The following RSF1 variants were observed in gnomAD, a reference collection of about 807,000 sequenced individuals.
RSF1 encodes HBV pX-associated protein 8.
A neutral mutation model predicts 145.2 loss-of-function variants in RSF1; 13 were observed. The observed-to-expected ratio is 0.09, with a 90% CI of 0.06 to 0.14. RSF1 has a LOEUF of 0.14. Ranked by LOEUF, RSF1 falls within the 10% of genes least tolerant of loss-of-function variation. The pLI, the probability that RSF1 is intolerant of heterozygous loss-of-function variation, is 1.00. For synonymous variants in RSF1, 577 were observed against 592.6 expected (o/e 0.97, Z 0.38); for missense variants, 1,517 against 1,718.2 (o/e 0.88, Z 2.07).
At chr11:77,721,126 C>T (rs189660987) in intron 5 of RSF1, among the ~76,000 whole-genome samples, 156 of 152,236 alleles carry the variant, frequency 1.0e-3, no homozygotes, top group Admixed American at 2.9e-3. Context: ...GGTTGTTATT[C>T]CCTCTCCAGT....
the RSF1 span, chr11:77,841,265 A>C: frequency 1.4e-6 from 1 of 702,308 alleles, no homozygotes; most frequent in Non-Finnish European, 2.6e-6. Context: ...GTTAAATTTA[A>C]ACATGAGTTT....
intron 9 of RSF1, among the ~76,000 whole-genome samples, chr11:77,687,463 C>T (rs995081362): frequency 6.6e-6 from 1 of 151,064 alleles, no homozygotes; most frequent in Non-Finnish European, 1.5e-5. Context: ...AGGTTACCCA[C>T]CTTGGGTAAC....
intron 5 of RSF1, among the ~76,000 whole-genome samples, chr11:77,707,823 T>C (rs1013265405): frequency 1.4e-4 from 22 of 152,222 alleles, no homozygotes; most frequent in African/African-American, 4.6e-4. Context: ...AGTGAAACTA[T>C]CATGTAGCAT....
intron 2 of RSF1, among the ~76,000 whole-genome samples, chr11:77,755,450 T>C (rs1409551223): frequency 6.6e-6 from 1 of 152,214 alleles, no homozygotes; most frequent in Non-Finnish European, 1.5e-5. Context: ...AGGAAGTTAA[T>C]GAGAGATTTG....
intron 4 of RSF1, among the ~76,000 whole-genome samples, chr11:77,728,615 A>G (rs1961118327): frequency 6.6e-6 from 1 of 151,520 alleles, no homozygotes; most frequent in Admixed American, 6.6e-5. Flanking sequence ...GGAAGGGAGA[A>G]GGGAGACGGG....
At chr11:77,765,382 G>C (rs779892838) in intron 1 of RSF1, among the ~76,000 whole-genome samples, 1 of 152,132 alleles carries the variant, frequency 6.6e-6, no homozygotes, top group Non-Finnish European at 1.5e-5. Flanking sequence ...CTTCTCTGTA[G>C]CATTTCTATG....
rs1174735145 is a variant in RSF1, at chr11:77,661,466, ATT to A, written c.*5449_*5450del. Reference sequence around the variant, plus strand: ...GTGTGTGTGTGTGTGTGTGTGTGCAATTTTCATGCAGTGACCTTAAAGCTTTG... The same window carrying A: ...GTGTGTGTGTGTGTGTGTGTGTGCAATTCATGCAGTGACCTTAAAGCTTTG... On this transcript the variant is annotated 3_prime_UTR_variant, in exon 16 of 16. Coordinates refer to ENST00000308488, the MANE Select transcript of RSF1 (RefSeq NM_016578.4). 6.7e-6 allele frequency: 1 copy of A among 150,246 alleles called. No individual in the cohort carries two copies. Among genetic ancestry groups the A allele is most frequent in the Non-Finnish European group, 1.5e-5 (1 of 67,708 alleles). 9.3% of individuals were successfully genotyped at this position (150,246 alleles called of 1,614,324 possible). A position where few individuals can be genotyped will look rare whatever the true frequency, so the allele number is the denominator to read the frequency against.
chr11:77,677,199 A>G (rs1959731922), intron 12 of RSF1, 200 bp from the exon 13 acceptor site: 1 of 564,016 alleles, frequency 1.8e-6, no homozygotes, highest in Non-Finnish European at 3.1e-6. Context: ...ACTGAAGAGA[A>G]GTTTACTATG....
the RSF1 span, among the ~76,000 whole-genome samples, chr11:77,826,361 C>CAA: frequency 3.5e-5 from 5 of 142,202 alleles, no homozygotes; most frequent in Admixed American, 2.1e-4. Flanking sequence ...GACATCATCT[C>CAA]AAAAAAAAAA....
intron 5 of RSF1, among the ~76,000 whole-genome samples, chr11:77,713,511 ATG>A (rs1217269893): frequency 3.9e-5 from 6 of 152,296 alleles, no homozygotes; most frequent in Non-Finnish European, 4.4e-5. Flanking sequence ...TTACTAGAAA[ATG>A]TCTTGATGTT....
At chr11:77,748,792 C>A (rs972383320) in intron 2 of RSF1, among the ~76,000 whole-genome samples, 1 of 152,172 alleles carries the variant, frequency 6.6e-6, no homozygotes, top group Non-Finnish European at 1.5e-5. Flanking sequence ...TACCATATGA[C>A]TTAGCCATTA....
chr11:77,738,857 TTA>T (rs1353621063), intron 4 of RSF1: 5 of 151,172 alleles, frequency 3.3e-5, no homozygotes, highest in African/African-American at 1.2e-4. Flanking sequence ...TTTTTTTTTT[TTA>T]TTTTAGTAGA....
At chr11:77,775,966 G>A (rs1366199607) in intron 1 of RSF1, among the ~76,000 whole-genome samples, 1 of 152,144 alleles carries the variant, frequency 6.6e-6, no homozygotes, top group Admixed American at 6.5e-5. Context: ...TAGAGTCCAG[G>A]TTTCCTTACT....
the RSF1 span, among the ~76,000 whole-genome samples, chr11:77,866,918 G>A: frequency 6.6e-6 from 1 of 151,764 alleles, no homozygotes; most frequent in African/African-American, 2.4e-5. Flanking sequence ...TCAGCTCACT[G>A]CAACCTCCAC....
At chr11:77,840,079 A>G in the RSF1 span, among the ~76,000 whole-genome samples, 1 of 135,026 alleles carries the variant, frequency 7.4e-6, no homozygotes, top group Non-Finnish European at 1.6e-5. Flanking sequence ...ATATTAGAGT[A>G]TGGAGAGGGG....
chr11:77,847,694 A>G, the RSF1 span, among the ~76,000 whole-genome samples: 1 of 152,250 alleles, frequency 6.6e-6, no homozygotes, highest in Non-Finnish European at 1.5e-5. Context: ...TAGAGCATCT[A>G]TATATGCAGA....
chr11:77,800,035 C>T (rs552810573), intron 1 of RSF1, among the ~76,000 whole-genome samples: 12 of 152,242 alleles, frequency 7.9e-5, no homozygotes, highest in African/African-American at 2.9e-4. Context: ...ACTGCAGCTA[C>T]GTGGGAGGCT....
the RSF1 span, among the ~76,000 whole-genome samples, chr11:77,867,860 A>G: frequency 6.6e-6 from 1 of 152,218 alleles, no homozygotes. Flanking sequence ...AAAGCATAAA[A>G]AGAAGTTTCC....
intron 1 of RSF1, among the ~76,000 whole-genome samples, chr11:77,793,052 AAAG>A (rs1468344009): frequency 6.6e-6 from 1 of 152,216 alleles, no homozygotes; most frequent in Non-Finnish European, 1.5e-5. Flanking sequence ...AAGAAAAAGA[AAAG>A]AAGAAAGAAA....
Sources: allele counts gnomAD v4.1 joint callset (sites outside exome capture counted in the v4.1 genomes callset), GRCh38; gene constraint gnomAD v4.1.1; transcripts MANE v1.5; gene names NCBI Gene and HGNC (gene_info 2026-07-23, HGNC 2026-07-21).